Variants in VNN1 observed in about 807,000 individuals in gnomAD.
The protein encoded by VNN1 is pantetheinase.
Under a neutral mutation model 41.9 loss-of-function variants are expected in VNN1, and 29 were observed. That is an observed-to-expected ratio of 0.69 (90% CI 0.52 to 0.94). The LOEUF is 0.94. VNN1 is among the 40% of genes least tolerant of loss of function. The probability of loss-of-function intolerance (pLI) is 0.00; values close to 1 mark genes in which losing one functional copy is unlikely to be tolerated. For missense variants in VNN1, 637 were observed against 621.1 expected, an observed-to-expected ratio of 1.03 and a Z score of -0.27; for synonymous variants, 233 against 224.4, an observed-to-expected ratio of 1.04 and a Z score of -0.34.
Position 132,711,813 on chromosome 6 carries a change from T to C in VNN1, c.237A>G (p.Glu79=). ...DQGAHIIVTP[E]DAIYGWNFNR... Reference sequence around the variant, plus strand: ...TGAAGTTCCAGCCATAAATAGCATCTTCTGGAGTCACAATAATATGCGCAC... The same window carrying C: ...TGAAGTTCCAGCCATAAATAGCATCCTCTGGAGTCACAATAATATGCGCAC... The change falls in exon 2 of 7, where the codon GAA becomes GAG. Residue 79 remains glutamate, a synonymous_variant. Transcript: ENST00000367928. 6.2e-7 allele frequency: 1 copy of C among 1,614,078 alleles called. No individual in the cohort carries two copies.
intron 2 of VNN1, among the ~76,000 whole-genome samples, chr6:132,703,411 G>GA (rs1433675560): frequency 6.6e-6 from 1 of 152,100 alleles, no homozygotes; most frequent in Non-Finnish European, 1.5e-5. Context: ...AAGTATGGGG[G>GA]ATGAAGTTAA....
chr6:132,683,691 A>T (rs1378614203), intron 6 of VNN1, among the ~76,000 whole-genome samples: 1 of 152,168 alleles, frequency 6.6e-6, no homozygotes, highest in African/African-American at 2.4e-5. Context: ...TGAACTGAGC[A>T]TCTGTCATCT....
chr6:132,686,395 C>T lies in VNN1; in HGVS notation c.1189-1890G>A, dbSNP rs60105764. ...CCCGGGAGGCAGAGGTTGCAGTGAG[C>T]GGAAATCATGCCACTGCACTCCAGC... On this transcript the variant is annotated intron_variant, in intron 5 of 6. Coordinates refer to ENST00000367928, the MANE Select transcript of VNN1 (RefSeq NM_004666.3). Among the ~76,000 whole-genome samples the T allele has an allele frequency of 3.4e-3, 521 of 152,196 alleles. 3 individuals carry two copies. Among genetic ancestry groups the T allele is most frequent in the African/African-American group, 0.012 (503 of 41,524 alleles).
chr6:132,683,321 A>T lies in VNN1; in HGVS notation c.1361T>A (p.Val454Glu), dbSNP rs746522981. ...ACTAAACAAGCGTCCGTCAGTTGAC[A>T]CCTGATTAAAACAAAAAAGTAGGCA... The part of the protein sequence containing the change: ...ENQLAPGEFQ[V>E]STDGRLFSLK... Residue 454 changes from valine (V) to glutamate (E), a missense_variant and splice_region_variant, in exon 7 of 7, where the codon GTG (valine) becomes GAG (glutamate). Val to Glu is a moderately radical substitution (Grantham distance 121). Transcript: ENST00000367928. 6.2e-7 allele frequency: 1 copy of T among 1,610,268 alleles called. No individual in the cohort carries two copies. Among genetic ancestry groups the T allele is most frequent in the Non-Finnish European group, 8.5e-7 (1 of 1,179,068 alleles).
intron 2 of VNN1, among the ~76,000 whole-genome samples, chr6:132,702,677 T>C (rs1227735054): frequency 6.6e-6 from 1 of 152,118 alleles, no homozygotes; most frequent in East Asian, 1.9e-4. Flanking sequence ...GGATAACAGC[T>C]CAACCACAGT....
At chr6:132,689,589 T>C (rs180940721) in intron 5 of VNN1, among the ~76,000 whole-genome samples, 12 of 152,304 alleles carry the variant, frequency 7.9e-5, no homozygotes, top group Admixed American at 7.8e-4. Flanking sequence ...AAATTTTCCT[T>C]TATTTCTTAA....
intron 2 of VNN1, chr6:132,699,165 C>A: frequency 2.7e-6 from 1 of 368,830 alleles, no homozygotes; most frequent in Non-Finnish European, 5.4e-6. Context: ...TATAGGTTCA[C>A]GGTTTCAGAC....
Position 132,694,074 on chromosome 6 carries a change from A to G in VNN1, c.450T>C (p.Pro150=). 6.2e-7 allele frequency: 1 copy of G among 1,614,198 alleles called. No homozygotes were observed. Residue 150 remains proline (P), a synonymous_variant, in exon 3 of 7, where the codon CCT becomes CCC. Coordinates refer to ENST00000367928, the MANE Select transcript of VNN1 (RefSeq NM_004666.3). The part of the protein sequence containing the change: ...GDKKPCDTSD[P]QCPPDGRYQY... ...GGTAACGGCCATCAGGGGGACACTG[A>G]GGATCACTGGTATCGCATGGCTTCT... is the stretch of plus-strand genomic sequence containing the variant.
intron 2 of VNN1, among the ~76,000 whole-genome samples, chr6:132,705,088 A>C (rs1778500844): frequency 6.6e-6 from 1 of 152,164 alleles, no homozygotes; most frequent in South Asian, 2.1e-4. Flanking sequence ...TCAGTGCTGA[A>C]TTTTACCAAA....
intron 2 of VNN1, among the ~76,000 whole-genome samples, chr6:132,699,839 C>T (rs1323762885): frequency 6.6e-6 from 1 of 152,172 alleles, no homozygotes; most frequent in African/African-American, 2.4e-5. Context: ...AAGGCATTTA[C>T]TACACAGAAA....
At chr6:132,706,148 C>T (rs142778966) in intron 2 of VNN1, among the ~76,000 whole-genome samples, 1,630 of 151,656 alleles carry the variant, frequency 0.011, 21 homozygotes, top group Admixed American at 0.041. Flanking sequence ...TCTTCACAGA[C>T]ATAGAAAAAA....
Position 132,713,967 on chromosome 6 carries a change from G to A in VNN1, c.69C>T (p.Asp23=), listed in dbSNP as rs2114382443. The A allele has an allele frequency of 1.2e-6, 2 of 1,614,182 alleles. No individual in the cohort carries two copies. The highest frequency in any genetic ancestry group is 2.2e-5 in the East Asian group (1 of 44,870). The change falls in exon 1 of 7, where the codon GAC becomes GAT. Residue 23 remains aspartate, a synonymous_variant. Coordinates refer to ENST00000367928, the MANE Select transcript of VNN1 (RefSeq NM_004666.3). The stretch of plus-strand genomic sequence containing the variant: ...GCTCATAAACAGCTGCAGTGAAAGT[G>A]TCCTGGCAGCTGGCTCTTGAGACAT... ...LFYVSRASCQ[D]TFTAAVYEHA...
intron 2 of VNN1, among the ~76,000 whole-genome samples, chr6:132,706,394 A>T (rs1301288084): frequency 6.6e-6 from 1 of 152,222 alleles, no homozygotes; most frequent in East Asian, 1.9e-4. Flanking sequence ...TGCCAAGAGC[A>T]TATATTGGGG....
chr6:132,689,302 CATTTCTCCTG>C (rs1018059947), intron 5 of VNN1, among the ~76,000 whole-genome samples: 1 of 151,088 alleles, frequency 6.6e-6, no homozygotes, highest in African/African-American at 2.5e-5. Flanking sequence ...CATACACACA[CATTTCTCCTG>C]ACCATGAGTC....
In VNN1 at chr6:132,692,205, C is replaced by T. The variant is rs1582769907; in HGVS notation, c.1188+18G>A. The T allele has an allele frequency of 1.3e-6, 2 of 1,526,002 alleles. No homozygotes were observed. The highest frequency in any genetic ancestry group is 4.5e-5 in the East Asian group (2 of 44,016). The allele number at this position is 1,526,002 out of a possible 1,614,324, so 94.5% of individuals were successfully genotyped here. A position where few individuals can be genotyped will look rare whatever the true frequency, so the allele number is the denominator to read the frequency against. On this transcript the variant is annotated intron_variant, in intron 5 of 6. Coordinates refer to ENST00000367928, the MANE Select transcript of VNN1 (RefSeq NM_004666.3). ...GTCTTTATTTTATCCAGTAACTCTTCTGACATCAAAATATTACCTGTAGAT... is the reference window on the plus strand; with the variant it reads ...GTCTTTATTTTATCCAGTAACTCTTTTGACATCAAAATATTACCTGTAGAT...
chr6:132,699,181 G>T, intron 2 of VNN1: 2 of 370,344 alleles, frequency 5.4e-6, no homozygotes, highest in South Asian at 5.1e-5. Context: ...CAGACTTGAT[G>T]AGAATGGAAA....
chr6:132,699,490 G>A (rs1778420992), intron 2 of VNN1: 1 of 162,668 alleles, frequency 6.1e-6, no homozygotes, highest in South Asian at 1.6e-4. Context: ...AAATGGTAGA[G>A]ATGTGACCTT....
intron 2 of VNN1, among the ~76,000 whole-genome samples, chr6:132,703,800 G>A (rs1022874092): frequency 4.6e-5 from 7 of 152,036 alleles, no homozygotes; most frequent in Admixed American, 1.3e-4. Context: ...GGCAATGGTC[G>A]ATTGTGTACA....
chr6:132,704,789 T>C (rs1046463265), intron 2 of VNN1, among the ~76,000 whole-genome samples: 1 of 151,718 alleles, frequency 6.6e-6, no homozygotes, highest in Non-Finnish European at 1.5e-5. Flanking sequence ...AAAATTGACT[T>C]TTAGTGAGAC....
Sources: allele counts gnomAD v4.1 joint callset (sites outside exome capture counted in the v4.1 genomes callset), GRCh38; gene constraint gnomAD v4.1.1; transcripts MANE v1.5; gene names NCBI Gene and HGNC (gene_info 2026-07-23, HGNC 2026-07-21).